Variants in PDE4D observed in about 807,000 individuals in gnomAD.
The protein encoded by PDE4D is 3',5'-cyclic-AMP phosphodiesterase 4D.
A neutral mutation model predicts 87.4 loss-of-function variants in PDE4D; 24 were observed. That is an observed-to-expected ratio of 0.27 (90% confidence interval 0.20 to 0.39). PDE4D has a LOEUF of 0.39. Among genes scored for constraint, PDE4D ranks in the 10% least tolerant of loss-of-function variants. The probability of loss-of-function intolerance (pLI) is 1.00; values close to 1 mark genes in which losing one functional copy is unlikely to be tolerated. For missense variants in PDE4D, 714 were observed against 1,041.0 expected, an observed-to-expected ratio of 0.69 and a Z score of 4.32; for synonymous variants, 384 against 383.2, an observed-to-expected ratio of 1.00 and a Z score of -0.02.
intron 1 of PDE4D, among the ~76,000 whole-genome samples, chr5:59,545,572 GTATTAAA>G (rs1817129445): frequency 6.6e-6 from 1 of 152,144 alleles, no homozygotes; most frequent in South Asian, 2.1e-4. Flanking sequence ...AAAAGAGTTT[GTATTAAA>G]TATGAATGAG....
chr5:59,613,975 T>A (rs1829332053), intron 1 of PDE4D, among the ~76,000 whole-genome samples: 1 of 152,108 alleles, frequency 6.6e-6, no homozygotes, highest in Non-Finnish European at 1.5e-5. Flanking sequence ...TAAAAAAAAC[T>A]TTTTTCTTAA....
At chr5:59,696,573 C>A (rs1363507601) in intron 1 of PDE4D, among the ~76,000 whole-genome samples, 2 of 152,058 alleles carry the variant, frequency 1.3e-5, no homozygotes, top group Non-Finnish European at 2.9e-5. Flanking sequence ...TCAGGGAAGG[C>A]CTTGTTGGAA....
In PDE4D at chr5:59,818,869, A is replaced by AT. The variant is rs1200229612; in HGVS notation, c.455+74298dup. On this transcript the variant is annotated intron_variant, in intron 1 of 14. Coordinates refer to ENST00000340635, the MANE Select transcript of PDE4D (RefSeq NM_001104631.2). ...GGGGAAGAGCAAAAAAAAAAAGTAG[A>AT]TAAAAAAAAAAACACAAGAAATAGA... Among the ~76,000 whole-genome samples, 28 of 115,764 alleles carry AT rather than the reference A, an allele frequency of 2.4e-4. No homozygotes were observed. The South Asian group carries it at 5.3e-3, about 22-fold the overall frequency. The allele number at this position is 115,764 out of a possible 152,430, so 75.9% of individuals were successfully genotyped here.
chr5:60,089,188 T>C (rs1240227560), intron 2 of PDE4D, among the ~76,000 whole-genome samples: 1 of 152,054 alleles, frequency 6.6e-6, no homozygotes, highest in Non-Finnish European at 1.5e-5. Context: ...CTAGATCAAA[T>C]TGACCTAACA....
At chr5:59,909,999 G>A (rs1429656405) in intron 3 of PDE4D, among the ~76,000 whole-genome samples, 3 of 152,066 alleles carry the variant, frequency 2.0e-5, no homozygotes, top group East Asian at 1.9e-4. Flanking sequence ...TCTCTGCAAC[G>A]TGGAAAAACC....
At chr5:60,304,441 C>G (rs1021114644) in intron 1 of PDE4D, among the ~76,000 whole-genome samples, 1 of 150,856 alleles carries the variant, frequency 6.6e-6, no homozygotes, top group African/African-American at 2.4e-5. Flanking sequence ...GTCAGGAGAT[C>G]GAGACCATCC....
chr5:59,694,228 A>C (rs1214224368), intron 1 of PDE4D, among the ~76,000 whole-genome samples: 1 of 152,194 alleles, frequency 6.6e-6, no homozygotes, highest in Non-Finnish European at 1.5e-5. Flanking sequence ...CTTCCTTCAC[A>C]AACTCCCAAT....
chr5:60,280,458 T>C (rs899469123), intron 1 of PDE4D, among the ~76,000 whole-genome samples: 1 of 152,142 alleles, frequency 6.6e-6, no homozygotes, highest in Non-Finnish European at 1.5e-5. Context: ...AATTAGTGAA[T>C]ATAATTAAAT....
intron 2 of PDE4D, among the ~76,000 whole-genome samples, chr5:60,114,813 T>G (rs901348679): frequency 1.3e-5 from 2 of 152,010 alleles, no homozygotes; most frequent in African/African-American, 4.8e-5. Flanking sequence ...AATCCATACT[T>G]CAGGCTGATA....
chr5:60,399,288 T>C (rs759641326), intron 1 of PDE4D, among the ~76,000 whole-genome samples: 43 of 152,322 alleles, frequency 2.8e-4, no homozygotes, highest in Non-Finnish European at 4.1e-4. Flanking sequence ...TTTCTTCTCC[T>C]ACTTGAAATA....
At chr5:59,687,021 G>A (rs1441670673) in intron 1 of PDE4D, among the ~76,000 whole-genome samples, 1 of 152,048 alleles carries the variant, frequency 6.6e-6, no homozygotes, top group Non-Finnish European at 1.5e-5. Flanking sequence ...AAATATTAAA[G>A]AAAGAAGCAG....
chr5:60,506,998 C>T (rs1157025260), intron 1 of PDE4D, among the ~76,000 whole-genome samples: 1 of 152,172 alleles, frequency 6.6e-6, no homozygotes, highest in African/African-American at 2.4e-5. Flanking sequence ...ATTCTGTTCA[C>T]ACATAAACAA....
At chr5:60,303,199 A>G (rs1042210343) in intron 1 of PDE4D, among the ~76,000 whole-genome samples, 1 of 151,280 alleles carries the variant, frequency 6.6e-6, no homozygotes. Flanking sequence ...TTTTCTCATT[A>G]GTTTCAAAGA....
chr5:59,974,690 A>G (rs933090595), intron 3 of PDE4D, among the ~76,000 whole-genome samples: 1 of 152,200 alleles, frequency 6.6e-6, no homozygotes, highest in Non-Finnish European at 1.5e-5. Flanking sequence ...TATTGAAAAT[A>G]TTTTGGAATG....
intron 5 of PDE4D, among the ~76,000 whole-genome samples, chr5:59,090,757 C>T (rs1243295784): frequency 3.4e-5 from 5 of 147,864 alleles, no homozygotes; most frequent in South Asian, 2.2e-4. Context: ...ACGGGACCTT[C>T]GTTGAGTGCT....
intron 1 of PDE4D, chr5:59,217,126 G>C (rs1264903207): frequency 8.9e-6 from 4 of 447,336 alleles, no homozygotes; most frequent in African/African-American, 6.1e-5. Flanking sequence ...TTATAATCTA[G>C]ATAAACTTTC....
At chr5:59,898,683 T>C (rs1002133312), upstream of PDE4D, among the ~76,000 whole-genome samples, 15 of 152,266 alleles carry the variant, frequency 9.9e-5, 1 homozygote, top group East Asian at 1.3e-3. Context: ...TTGTGGGGCA[T>C]TGGACATTCA....
chr5:59,203,212 A>G (rs1357199693), intron 2 of PDE4D, among the ~76,000 whole-genome samples: 1 of 152,144 alleles, frequency 6.6e-6, no homozygotes, highest in African/African-American at 2.4e-5. Context: ...AGACCTACAA[A>G]AAAAGGTCAA....
chr5:60,462,099 C>T (rs925695617), intron 1 of PDE4D, among the ~76,000 whole-genome samples: 2 of 152,150 alleles, frequency 1.3e-5, no homozygotes, highest in Non-Finnish European at 2.9e-5. Flanking sequence ...CTTCTCCAGC[C>T]ATGCCTCTCC....
Sources: allele counts gnomAD v4.1 joint callset (sites outside exome capture counted in the v4.1 genomes callset), GRCh38; gene constraint gnomAD v4.1.1; transcripts MANE v1.5; gene names NCBI Gene and HGNC (gene_info 2026-07-23, HGNC 2026-07-21).